PLEKHG5: variants seen among roughly 807,000 people sequenced by gnomAD.
PLEKHG5 encodes the protein pleckstrin homology domain-containing family G member 5.
PLEKHG5 carries 52 observed loss-of-function variants against 103.8 expected under a neutral mutation model. The ratio of observed to expected loss-of-function variants is 0.50; its 90% CI spans 0.40 to 0.63. The LOEUF (loss-of-function observed/expected upper bound fraction) is 0.63. Ranked by LOEUF, PLEKHG5 falls within the 30% of genes least tolerant of loss-of-function variation. PLEKHG5 has a pLI of 0.00. For synonymous variants in PLEKHG5, 592 were observed against 575.5 expected (o/e 1.03, Z -0.41); for missense variants, 1,205 against 1,347.6 (o/e 0.89, Z 1.66).
At chr1:6,519,724 C>T (rs1369309870) in exon 1 of PLEKHG5, 6 of 620,624 alleles carry the variant, frequency 9.7e-6, no homozygotes, top group East Asian at 8.2e-5. Flanking sequence ...TGCCAATTTG[C>T]TCCCCGTCCA....
chr1:6,498,605 G>A (rs376237246), upstream of PLEKHG5, among the ~76,000 whole-genome samples: 1 of 152,218 alleles, frequency 6.6e-6, no homozygotes, highest in East Asian at 1.9e-4. Flanking sequence ...GCCCTTTGGG[G>A]GGCAGCACAT....
At chr1:6,515,634 TG>T (rs1638592177) in intron 1 of PLEKHG5, among the ~76,000 whole-genome samples, 1 of 151,536 alleles carries the variant, frequency 6.6e-6, no homozygotes, top group Non-Finnish European at 1.5e-5. Flanking sequence ...GAAACCAGCC[TG>T]GACAACAGAG....
chr1:6,485,475 C>T, intron 1 of PLEKHG5: 5 of 1,245,720 alleles, frequency 4.0e-6, no homozygotes, highest in Non-Finnish European at 5.0e-6. Flanking sequence ...TCTGCGCCGC[C>T]CGCCGGACAA....
At chr1:6,519,366 C>T in intron 1 of PLEKHG5, 3 of 1,145,798 alleles carry the variant, frequency 2.6e-6, no homozygotes, top group Non-Finnish European at 4.0e-6. Flanking sequence ...TGGAGCCCTC[C>T]AAGACCTGCA....
chr1:6,499,035 T>C (rs1645266623), upstream of PLEKHG5, among the ~76,000 whole-genome samples: 1 of 152,196 alleles, frequency 6.6e-6, no homozygotes, highest in South Asian at 2.1e-4. Flanking sequence ...CAGCCAGCTT[T>C]GTGGGAGTTT....
In PLEKHG5 at chr1:6,490,493, T is replaced by TAA; in HGVS notation, c.-88+1143_-88+1144insTT. On this transcript the variant is annotated intron_variant, in intron 1 of 20. Coordinates refer to ENST00000377728, the MANE Select transcript of PLEKHG5 (RefSeq NM_020631.6). The surrounding 1 kb of genome is among the most constrained non-coding windows in gnomAD (Gnocchi z 8.0). ...TCCCCGGTGTCTAAGGCTCTAAGGC[T>TAA]CGGGCCGAGACTGCCAAAGCCTCAT... 1 of 971,172 alleles carries TAA rather than the reference T, an allele frequency of 1.0e-6. No homozygotes were observed. Among genetic ancestry groups the TAA allele is most frequent in the Middle Eastern group, 5.3e-4 (1 of 1,870 alleles). The allele number at this position is 971,172 out of a possible 1,614,324, so 60.2% of individuals were successfully genotyped here. A position where few individuals can be genotyped will look rare whatever the true frequency, so the allele number is the denominator to read the frequency against.
chr1:6,474,976 C>A (rs1432070391), intron 5 of PLEKHG5, 71 bp downstream of exon 5: 1 of 940,878 alleles, frequency 1.1e-6, no homozygotes, highest in East Asian at 2.4e-5. Flanking sequence ...CCTGCAGAGA[C>A]CCGGAGCCTG....
Position 6,505,273 on chromosome 1 carries a change from C to T in PLEKHG5, c.-164-8704G>A, listed in dbSNP as rs904382766. Among the ~76,000 whole-genome samples, 2 of 152,014 alleles carry T rather than the reference C, an allele frequency of 1.3e-5. No homozygotes were observed. Among genetic ancestry groups the T allele is most frequent in the African/African-American group, 4.8e-5 (2 of 41,390 alleles). On this transcript the variant is annotated intron_variant, in intron 1 of 21. Transcript: ENST00000377740. The surrounding 1 kb of genome is among the most constrained non-coding windows in gnomAD (Gnocchi z 4.2). The stretch of plus-strand genomic sequence containing the variant: ...TCAGCCCACTGTGCCGACCAGCCTA[C>T]AGTACCGACCAGCCCACGATGCCGA...
chr1:6,481,990 C>T (rs1644914806), intron 1 of PLEKHG5, among the ~76,000 whole-genome samples: 2 of 151,762 alleles, frequency 1.3e-5, no homozygotes, highest in South Asian at 4.2e-4. Flanking sequence ...CATCCTGGCT[C>T]ACTCCCCTCA....
intron 16 of PLEKHG5, 149 bp from the exon 17 acceptor site, chr1:6,469,825 G>C (rs1282372527): frequency 4.2e-6 from 3 of 709,896 alleles, no homozygotes; most frequent in Non-Finnish European, 7.2e-6. Context: ...AGAGGAAGAT[G>C]ATTCTCTTTC....
At chr1:6,480,530 A>G (rs1375928745) in intron 1 of PLEKHG5, among the ~76,000 whole-genome samples, 1 of 95,170 alleles carries the variant, frequency 1.1e-5, no homozygotes, top group African/African-American at 6.1e-5. Flanking sequence ...TTTGTCTCCA[A>G]AAAAAAAAAA....
At chr1:6,494,631 C>T (rs1329354541), upstream of PLEKHG5, among the ~76,000 whole-genome samples, 1 of 152,142 alleles carries the variant, frequency 6.6e-6, no homozygotes, top group Non-Finnish European at 1.5e-5. Context: ...CTGAGTGCCC[C>T]GCACCTCCTC....
At chr1:6,469,762 G>A (rs889016989) in intron 16 of PLEKHG5, 86 bp from the exon 17 acceptor site, 16 of 1,377,326 alleles carry the variant, frequency 1.2e-5, no homozygotes, top group South Asian at 5.0e-5. Context: ...GGGAGCACTC[G>A]GTTTTTGTCA....
chr1:6,474,170 T>G lies in PLEKHG5; in HGVS notation c.440-6A>C. 6.2e-7 allele frequency: 1 copy of G among 1,613,232 alleles called. No homozygotes were observed. Among genetic ancestry groups the G allele is most frequent in the Non-Finnish European group, 8.5e-7 (1 of 1,179,936 alleles). On this transcript the variant is annotated splice_polypyrimidine_tract_variant and splice_region_variant and intron_variant, in intron 6 of 20. Coordinates refer to ENST00000377728, the MANE Select transcript of PLEKHG5 (RefSeq NM_020631.6). ...ATCTCCAGGCTTGGCTGGGGCTGCA[T>G]GTGGGGGCCACGAGAGATCCTCAGT...
At chr1:6,477,288 G>A (rs1644786776) in intron 2 of PLEKHG5, among the ~76,000 whole-genome samples, 1 of 152,234 alleles carries the variant, frequency 6.6e-6, no homozygotes, top group Non-Finnish European at 1.5e-5. Flanking sequence ...AAGCAGCTGG[G>A]GGAGGTGAGA....
intron 1 of PLEKHG5, among the ~76,000 whole-genome samples, chr1:6,479,964 A>G (rs1353804170): frequency 6.6e-6 from 1 of 151,986 alleles, no homozygotes; most frequent in Admixed American, 6.6e-5. Flanking sequence ...GAGCTCCTCA[A>G]TGTGGATCTC....
chr1:6,508,493 C>G (rs1326357613), intron 1 of PLEKHG5, among the ~76,000 whole-genome samples: 1 of 152,174 alleles, frequency 6.6e-6, no homozygotes, highest in Non-Finnish European at 1.5e-5. Context: ...CAGGGGAGGC[C>G]CCCCCAGGCC....
At chr1:6,519,733 C>G (rs1443363667) in exon 1 of PLEKHG5, 2 of 614,120 alleles carry the variant, frequency 3.3e-6, no homozygotes, top group Non-Finnish European at 5.8e-6. Context: ...GCTCCCCGTC[C>G]AACACAGGTC....
chr1:6,468,266 C>T lies in PLEKHG5; in HGVS notation c.2570G>A (p.Arg857His), dbSNP rs757806517. The change falls in exon 20 of 21, where the codon CGT (arginine) becomes CAT (histidine). Residue 857 changes from arginine to histidine, a missense_variant. Coordinates refer to ENST00000377728, the MANE Select transcript of PLEKHG5 (RefSeq NM_020631.6). ...CTGGACAGGGGTGCGGCGGCGGAGA[C>T]GGGGCGAGGGTGGAGGGGAAGGAAC... is the stretch of plus-strand genomic sequence containing the variant. The part of the protein sequence containing the change: ...PRVPSPPPSP[R>H]LRRRTPVQLL... 50 of 1,604,152 alleles carry T rather than the reference C, an allele frequency of 3.1e-5. No homozygotes were observed. Among genetic ancestry groups the T allele is most frequent in the African/African-American group, 5.4e-5 (4 of 74,722 alleles).
Sources: gnomAD v4.1 joint callset for allele counts (sites outside exome capture counted in the v4.1 genomes callset) on GRCh38, gnomAD v4.1.1 for gene constraint, Gnocchi (gnomAD v3.1) non-coding constraint, MANE v1.5 for transcripts, NCBI Gene and HGNC (gene_info 2026-07-23, HGNC 2026-07-21) for gene names.